The following ASNS variants were observed in gnomAD, a reference collection of about 807,000 sequenced individuals.
ASNS encodes the protein asparagine synthetase (glutamine-hydrolyzing), also known as asparagine synthetase [glutamine-hydrolyzing].
In ASNS, 37 loss-of-function variants were observed where a neutral mutation model predicts 62.6. That is an observed-to-expected ratio of 0.59 (90% CI 0.45 to 0.78). The LOEUF (loss-of-function observed/expected upper bound fraction) is 0.78, where lower values mean the gene tolerates loss of function less well. Ranked by LOEUF, ASNS falls within the 30% of genes least tolerant of loss-of-function variation. The probability of loss-of-function intolerance (pLI) is 0.00; values close to 1 mark genes in which losing one functional copy is unlikely to be tolerated. For synonymous variants in ASNS, 207 were observed against 237.9 expected, an observed-to-expected ratio of 0.87 and a Z score of 1.19; for missense variants, 520 against 682.4, an observed-to-expected ratio of 0.76 and a Z score of 2.65.
chr7:97,925,670 G>C, the ASNS span, among the ~76,000 whole-genome samples: 1 of 152,178 alleles, frequency 6.6e-6, no homozygotes, highest in Admixed American at 6.5e-5. Flanking sequence ...AGGAGCCCCA[G>C]GCTGACAATA....
intron 10 of ASNS, among the ~76,000 whole-genome samples, chr7:97,854,050 C>A (rs1467369836): frequency 6.6e-6 from 1 of 152,168 alleles, no homozygotes; most frequent in Non-Finnish European, 1.5e-5. Context: ...AGTTCTTCAA[C>A]ATAACTTTAG....
At chr7:97,875,817 A>C (rs1269548160), upstream of ASNS, among the ~76,000 whole-genome samples, 2 of 152,046 alleles carry the variant, frequency 1.3e-5, no homozygotes, top group Admixed American at 6.6e-5. Flanking sequence ...GTAGTCCATC[A>C]ACCTTCACAG....
chr7:97,909,326 CAG>C, the ASNS span, among the ~76,000 whole-genome samples: 2 of 98,010 alleles, frequency 2.0e-5, no homozygotes, highest in African/African-American at 8.0e-5. Context: ...TTTTTTGAGA[CAG>C]AGTCTCGCTC....
upstream of ASNS, among the ~76,000 whole-genome samples, chr7:97,874,122 G>GC (rs1431013423): frequency 4.6e-5 from 7 of 152,240 alleles, no homozygotes; most frequent in East Asian, 9.7e-4. Flanking sequence ...AGACAGGTAC[G>GC]CCCCGGGGGG....
At chr7:97,922,784 A>G in the ASNS span, among the ~76,000 whole-genome samples, 6,243 of 152,222 alleles carry the variant, frequency 0.041, 297 homozygotes, top group African/African-American at 0.11. Flanking sequence ...TCAGAATTCT[A>G]TTTTATTTAT....
At chr7:97,867,577 A>C (rs1437578625) in intron 3 of ASNS, among the ~76,000 whole-genome samples, 1 of 152,234 alleles carries the variant, frequency 6.6e-6, no homozygotes, top group Non-Finnish European at 1.5e-5. Flanking sequence ...GGGAAAGCCA[A>C]GCTGATAATG....
chr7:97,865,154 G>A (rs995601346), intron 3 of ASNS, among the ~76,000 whole-genome samples: 1 of 152,164 alleles, frequency 6.6e-6, no homozygotes, highest in Admixed American at 6.5e-5. Flanking sequence ...TGCTGCTGAT[G>A]AGCAATCATT....
chr7:97,911,594 G>C, the ASNS span, among the ~76,000 whole-genome samples: 1 of 151,682 alleles, frequency 6.6e-6, no homozygotes, highest in East Asian at 1.9e-4. Context: ...GTGAGCCAAG[G>C]TCACGCCACT....
At position 97,858,423 on chromosome 7, in the gene ASNS, A is replaced by C; in HGVS notation, c.776-18T>G. On this transcript the variant is annotated intron_variant, in intron 6 of 12. Transcript: ENST00000394308. ...CAAGCCCCCTACATGCAAAAGAGGA[A>C]GTGGAAGTGTCCTAGTTATGTGCCT... 6.2e-7 allele frequency: 1 copy of C among 1,613,986 alleles called. No individual in the cohort carries two copies. Among genetic ancestry groups the C allele is most frequent in the Non-Finnish European group, 8.5e-7 (1 of 1,179,890 alleles).
chr7:97,862,779 A>T (rs1051364899), intron 4 of ASNS, among the ~76,000 whole-genome samples: 4 of 151,988 alleles, frequency 2.6e-5, no homozygotes, highest in African/African-American at 9.7e-5. Context: ...AAAAAAAAAA[A>T]TAAAGTCTAT....
chr7:97,926,519 T>A, the ASNS span, among the ~76,000 whole-genome samples: 6,357 of 150,730 alleles, frequency 0.042, 294 homozygotes, highest in African/African-American at 0.11. Context: ...GCCTGACACT[T>A]CTTCATGGGT....
the ASNS span, chr7:97,928,420 G>A: frequency 1.8e-6 from 1 of 561,676 alleles, no homozygotes; most frequent in South Asian, 2.2e-5. Context: ...GTGGGCACCG[G>A]GGCCGGCGCG....
chr7:97,873,927 G>A (rs1474301984), upstream of ASNS, among the ~76,000 whole-genome samples: 1 of 152,142 alleles, frequency 6.6e-6, no homozygotes, highest in African/African-American at 2.4e-5. Context: ...GATGCAAAAG[G>A]TGAAATTAAA....
At chr7:97,914,354 G>A in the ASNS span, among the ~76,000 whole-genome samples, 5 of 152,164 alleles carry the variant, frequency 3.3e-5, no homozygotes, top group African/African-American at 1.2e-4. Context: ...TCATGATTAT[G>A]GGTAGTGCTC....
At chr7:97,898,195 A>G in the ASNS span, among the ~76,000 whole-genome samples, 3 of 152,154 alleles carry the variant, frequency 2.0e-5, no homozygotes, top group African/African-American at 7.2e-5. Flanking sequence ...CCCGCGTTCA[A>G]GTGATTCTCA....
intron 5 of ASNS, 42 bp from the exon 6 acceptor site, chr7:97,858,997 G>A: frequency 6.4e-7 from 1 of 1,554,276 alleles, no homozygotes; most frequent in Non-Finnish European, 8.8e-7. Flanking sequence ...AGAAAATCTT[G>A]GGCTGGATTA....
At chr7:97,875,544 C>T (rs942296110), upstream of ASNS, among the ~76,000 whole-genome samples, 5 of 152,154 alleles carry the variant, frequency 3.3e-5, no homozygotes, top group African/African-American at 1.2e-4. Context: ...GACAAAAGCC[C>T]CATCTCTGCA....
chr7:97,918,506 G>A, the ASNS span, among the ~76,000 whole-genome samples: 1 of 152,230 alleles, frequency 6.6e-6, no homozygotes, highest in Non-Finnish European at 1.5e-5. Flanking sequence ...GGAGAAGAAG[G>A]TGGTACCCAG....
Position 97,851,700 on chromosome 7 carries a change from A to T in ASNS, c.*559T>A, listed in dbSNP as rs1791191918. The T allele has an allele frequency of 6.5e-6, 1 of 153,002 alleles. No homozygotes were observed. The highest frequency in any genetic ancestry group is 1.5e-5 in the Non-Finnish European group (1 of 68,616). 9.5% of individuals were successfully genotyped at this position (153,002 alleles called of 1,614,324 possible). The stretch of plus-strand genomic sequence containing the variant: ...AATATTTACTATCTGGCTCTTTATT[A>T]AAAACAAATTAAAAATTCAAAAAAA... On this transcript the variant is annotated 3_prime_UTR_variant, in exon 13 of 13. Transcript: ENST00000394308.
Sources: gnomAD v4.1 joint callset for allele counts (sites outside exome capture counted in the v4.1 genomes callset) on GRCh38, gnomAD v4.1.1 for gene constraint, MANE v1.5 for transcripts, NCBI Gene and HGNC (gene_info 2026-07-23, HGNC 2026-07-21) for gene names.